Variants in UPF2 observed in about 807,000 individuals in gnomAD.
The protein encoded by UPF2 is UPF2 regulator of nonsense mediated mRNA decay, also known as regulator of nonsense transcripts 2.
UPF2 carries 17 observed loss-of-function variants against 141.4 expected under a neutral mutation model. That is an observed-to-expected ratio of 0.12 (90% CI 0.08 to 0.18). The LOEUF is 0.18. Ranked by LOEUF, UPF2 falls within the 10% of genes least tolerant of loss-of-function variation. UPF2 has a pLI of 1.00. For missense variants in UPF2, 1,152 were observed against 1,515.9 expected, an observed-to-expected ratio of 0.76 and a Z score of 3.99; for synonymous variants, 540 against 498.0, an observed-to-expected ratio of 1.08 and a Z score of -1.12.
At chr10:11,999,512 C>CAAAAAAAAAAA (rs1325502291) in intron 7 of UPF2, among the ~76,000 whole-genome samples, 1 of 100,398 alleles carries the variant, frequency 1.0e-5, no homozygotes, top group African/African-American at 5.0e-5. Flanking sequence ...GACTCCATCT[C>CAAAAAAAAAAA]AAAAAAAAAA....
intron 8 of UPF2, among the ~76,000 whole-genome samples, chr10:11,993,085 G>C (rs1325058186): frequency 6.7e-6 from 1 of 150,368 alleles, no homozygotes; most frequent in African/African-American, 2.5e-5. Context: ...AGGAGGTGGA[G>C]GTTGCAGTGA....
chr10:12,004,563 G>C lies in UPF2; in HGVS notation c.1471C>G (p.Gln491Glu). 2 of 1,612,890 alleles carry C rather than the reference G, an allele frequency of 1.2e-6. No homozygotes were observed. Among genetic ancestry groups the C allele is most frequent in the Non-Finnish European group, 8.5e-7 (1 of 1,179,586 alleles). ...TCATCTTTGTTGGACTCTTTATTCT[G>C]ACAACTTTTTTCATTGTCTTTAAAC... is the stretch of plus-strand genomic sequence containing the variant. ...ILFKDNEKSC[Q>E]NKESNKDDTK... is the part of the protein sequence containing the mutation. Residue 491 changes from glutamine to glutamate, a missense_variant, in exon 5 of 22, where the codon CAG becomes GAG. This residue lies in a region of UPF2 where 739 missense variants were observed against 1,032.2 expected (regional missense o/e 0.72). Transcript: ENST00000357604.
chr10:11,982,317 A>G (rs1833612513), intron 8 of UPF2, among the ~76,000 whole-genome samples: 1 of 152,190 alleles, frequency 6.6e-6, no homozygotes, highest in South Asian at 2.1e-4. Context: ...AAAGCAACGC[A>G]CTGGGAGTGA....
chr10:12,011,790 A>G (rs1020604755), intron 4 of UPF2, among the ~76,000 whole-genome samples: 1 of 151,772 alleles, frequency 6.6e-6, no homozygotes, highest in Non-Finnish European at 1.5e-5. Flanking sequence ...TACTAAAAAT[A>G]CAAAATTAGC....
intron 8 of UPF2, among the ~76,000 whole-genome samples, chr10:11,982,635 G>T (rs913707982): frequency 2.0e-5 from 3 of 151,726 alleles, no homozygotes; most frequent in African/African-American, 4.8e-5. Flanking sequence ...AAGCACTTTG[G>T]TTTTTTTTGA....
intron 3 of UPF2, among the ~76,000 whole-genome samples, chr10:12,022,695 A>G (rs972126718): frequency 6.6e-6 from 1 of 152,184 alleles, no homozygotes; most frequent in African/African-American, 2.4e-5. Context: ...ATTAATTGGT[A>G]TTAACTACCA....
intron 4 of UPF2, among the ~76,000 whole-genome samples, chr10:12,009,469 T>C (rs560211063): frequency 1.6e-3 from 237 of 152,348 alleles, no homozygotes; most frequent in African/African-American, 5.6e-3. Context: ...CTGGACAATG[T>C]AAGCCTCTTC....
Position 11,921,448 on chromosome 10 carries a change from C to A in UPF2, c.3810-141G>T. On this transcript the variant is annotated intron_variant, in intron 21 of 21. Coordinates refer to ENST00000357604, the MANE Select transcript of UPF2 (RefSeq NM_015542.4). The surrounding 1 kb of genome is among the most constrained non-coding windows in gnomAD (Gnocchi z 5.9). ...GCCCTGGCATCTGCGGGTTCCACAT[C>A]CATGGACCAAAAATATTCGGGGGAA... The A allele has an allele frequency of 4.6e-6, 4 of 876,934 alleles. No individual in the cohort carries two copies. In the South Asian group the frequency reaches 4.6e-5, roughly 10 times the overall value. 54.3% of individuals were successfully genotyped at this position (876,934 alleles called of 1,614,324 possible).
At chr10:11,995,288 T>A (rs1474010786) in intron 8 of UPF2, among the ~76,000 whole-genome samples, 1 of 152,058 alleles carries the variant, frequency 6.6e-6, no homozygotes, top group Admixed American at 6.6e-5. Context: ...CCATTACAGA[T>A]CAAGATTCTG....
rs768270666 is a variant in UPF2, at chr10:11,955,193, T to A, written c.2850+39A>T. On this transcript the variant is annotated intron_variant, in intron 14 of 21. Coordinates refer to ENST00000357604, the MANE Select transcript of UPF2 (RefSeq NM_015542.4). ...GTATTCTTTTAAAACACATGCAATA[T>A]GTTAAATGATGCCAAACTGAATATT... 6 of 1,521,292 alleles carry A rather than the reference T, an allele frequency of 3.9e-6. No individual in the cohort carries two copies. In the African/African-American group the frequency reaches 4.2e-5, roughly 11 times the overall value. 94.2% of individuals were successfully genotyped at this position (1,521,292 alleles called of 1,614,324 possible).
intron 21 of UPF2, among the ~76,000 whole-genome samples, chr10:11,924,783 T>C (rs1832691022): frequency 6.6e-6 from 1 of 152,094 alleles, no homozygotes; most frequent in South Asian, 2.1e-4. Flanking sequence ...AGTTTCCAAA[T>C]AAATTTCCCT....
chr10:11,943,207 G>A lies in UPF2; in HGVS notation c.3175-39C>T, dbSNP rs567429590. ...ACATTAGAAGATTAAATAACTTTTC[G>A]AAGTGTAACCATATTTTACATGCCT... On this transcript the variant is annotated intron_variant, in intron 16 of 21. Transcript: ENST00000357604. 41 of 1,476,120 alleles carry A rather than the reference G, an allele frequency of 2.8e-5. No individual in the cohort carries two copies. In the East Asian group the frequency reaches 5.9e-4, roughly 21 times the overall value. The allele number at this position is 1,476,120 out of a possible 1,614,324, so 91.4% of individuals were successfully genotyped here.
At chr10:11,941,500 C>A (rs1302155984) in intron 18 of UPF2, among the ~76,000 whole-genome samples, 1 of 151,962 alleles carries the variant, frequency 6.6e-6, no homozygotes, top group Non-Finnish European at 1.5e-5. Flanking sequence ...AAGTAAAATC[C>A]AATATTTCAA....
chr10:12,018,580 CAAAAACAAAAA>C (rs1230504231), intron 3 of UPF2, among the ~76,000 whole-genome samples: 2 of 150,512 alleles, frequency 1.3e-5, no homozygotes, highest in African/African-American at 4.9e-5. Context: ...GACTCCATCT[CAAAAACAAAAA>C]AAAAACAAAA....
chr10:11,995,897 A>G (rs555552253), intron 8 of UPF2, among the ~76,000 whole-genome samples: 1 of 152,112 alleles, frequency 6.6e-6, no homozygotes, highest in East Asian at 1.9e-4. Flanking sequence ...ATCCCCACCC[A>G]TCCCTTAACT....
At chr10:11,977,800 T>C (rs760802551) in intron 9 of UPF2, among the ~76,000 whole-genome samples, 2 of 152,224 alleles carry the variant, frequency 1.3e-5, no homozygotes, top group Non-Finnish European at 2.9e-5. Flanking sequence ...CACATTACCA[T>C]ATTAATGCTT....
chr10:12,027,234 A>G (rs1239080754), intron 3 of UPF2, among the ~76,000 whole-genome samples: 1 of 152,172 alleles, frequency 6.6e-6, no homozygotes, highest in Non-Finnish European at 1.5e-5. Flanking sequence ...TATCTGTTAG[A>G]TAATCTAAAA....
intron 4 of UPF2, among the ~76,000 whole-genome samples, chr10:12,006,482 G>A (rs931712821): frequency 3.3e-5 from 5 of 151,978 alleles, no homozygotes; most frequent in African/African-American, 9.7e-5. Context: ...TGTGATTTAT[G>A]AAAATAAGAA....
rs151058462 is a variant in UPF2, at chr10:11,995,317, G to A, written c.1844+2355C>T. Reference sequence around the variant, plus strand: ...GATTCTGCAGAAGGAAGAATGGTTAGAATTAAGACTGAAGAAGTTGAAAAC... The same window carrying A: ...GATTCTGCAGAAGGAAGAATGGTTAAAATTAAGACTGAAGAAGTTGAAAAC... On this transcript the variant is annotated intron_variant, in intron 8 of 21. Transcript: ENST00000357604. 1.5e-3 allele frequency among the ~76,000 whole-genome samples: 235 copies of A among 152,284 alleles called. 1 individual carries two copies. The highest frequency in any genetic ancestry group is 5.2e-3 in the African/African-American group (217 of 41,552).
Sources: allele counts gnomAD v4.1 joint callset (sites outside exome capture counted in the v4.1 genomes callset), GRCh38; gene constraint gnomAD v4.1.1; regional missense constraint gnomAD v4.1.1; non-coding constraint Gnocchi (gnomAD v3.1); transcripts MANE v1.5; gene names NCBI Gene and HGNC (gene_info 2026-07-23, HGNC 2026-07-21).